The following PIP4K2B variants were observed in gnomAD, a reference collection of about 807,000 sequenced individuals.
The protein encoded by PIP4K2B is phosphatidylinositol 5-phosphate 4-kinase type-2 beta.
PIP4K2B carries 3 observed loss-of-function variants against 42.0 expected under a neutral mutation model. That is an observed-to-expected ratio of 0.07 (90% confidence interval 0.03 to 0.18). The LOEUF is 0.18. Among genes scored for constraint, PIP4K2B ranks in the 10% least tolerant of loss-of-function variants. The probability of loss-of-function intolerance (pLI) is 1.00; values close to 1 mark genes in which losing one functional copy is unlikely to be tolerated. For missense variants in PIP4K2B, 332 were observed against 562.3 expected (o/e 0.59, Z 4.14); for synonymous variants, 204 against 210.1 (o/e 0.97, Z 0.25).
chr17:38,788,907 C>T (rs568720340), intron 1 of PIP4K2B, among the ~76,000 whole-genome samples: 5 of 150,922 alleles, frequency 3.3e-5, no homozygotes, highest in African/African-American at 4.9e-5. Flanking sequence ...GGGCCGAGAT[C>T]GCGCCACTGC....
At chr17:38,784,676 T>C (rs2143422787) in intron 2 of PIP4K2B, among the ~76,000 whole-genome samples, 1 of 152,198 alleles carries the variant, frequency 6.6e-6, no homozygotes, top group East Asian at 1.9e-4. Context: ...CTCCAGGTGA[T>C]TCTGAGCATG....
intron 5 of PIP4K2B, 75 bp from the exon 6 acceptor site, chr17:38,778,447 G>T: frequency 7.4e-7 from 1 of 1,351,966 alleles, no homozygotes; most frequent in Non-Finnish European, 1.1e-6. Flanking sequence ...GGGAGAGCCA[G>T]CAGGTGAACT....
intron 4 of PIP4K2B, 123 bp from the exon 5 acceptor site, chr17:38,779,652 TC>T: frequency 1.3e-6 from 1 of 789,108 alleles, no homozygotes; most frequent in Non-Finnish European, 2.0e-6. Flanking sequence ...CCAGTAGTTC[TC>T]CAGCTGGGTT....
chr17:38,767,638 A>AC lies in PIP4K2B; in HGVS notation c.*2052dup, dbSNP rs1908774197. The AC allele has an allele frequency of 6.6e-6, 1 of 152,178 alleles. No individual in the cohort carries two copies. Among genetic ancestry groups the AC allele is most frequent in the Non-Finnish European group, 1.5e-5 (1 of 68,030 alleles). The allele number at this position is 152,178 out of a possible 1,614,324, so 9.4% of individuals were successfully genotyped here. Reference sequence around the variant, plus strand: ...CACATTATGGCAACATGATCAGCAGACCAAATGCAGAGAAGCCGGTAGGAA... The same window carrying AC: ...CACATTATGGCAACATGATCAGCAGACCCAAATGCAGAGAAGCCGGTAGGAA... On this transcript the variant is annotated 3_prime_UTR_variant, in exon 10 of 10. Coordinates refer to ENST00000619039, the MANE Select transcript of PIP4K2B (RefSeq NM_003559.5).
At chr17:38,798,794 G>C (rs1414580178) in intron 1 of PIP4K2B, among the ~76,000 whole-genome samples, 1 of 152,182 alleles carries the variant, frequency 6.6e-6, no homozygotes, top group African/African-American at 2.4e-5. Context: ...GAGGATGGAA[G>C]AATTTGAGCA....
intron 1 of PIP4K2B, among the ~76,000 whole-genome samples, chr17:38,795,099 C>CAAAAAAAAAAAAAAAAAAAAAA (rs61707682): frequency 2.4e-5 from 1 of 41,498 alleles, no homozygotes; most frequent in Non-Finnish European, 4.4e-5. Context: ...AACTCCATCT[C>CAAAAAAAAAAAAAAAAAAAAAA]AAAAAAAAAA....
Position 38,771,270 on chromosome 17 carries a change from G to A in PIP4K2B, c.810C>T (p.Phe270=), listed in dbSNP as rs2230466. ...FLEKLKRDVE[F]LAQLKIMDYS... ...AGTCCATGATCTTCAGCTGTGCCAAGAACTAGGAAGGGCAAGGATGGAAAG... is the reference window on the plus strand; with the variant it reads ...AGTCCATGATCTTCAGCTGTGCCAAAAACTAGGAAGGGCAAGGATGGAAAG... Residue 270 remains phenylalanine (F), a splice_region_variant and synonymous_variant, in exon 8 of 10, where the codon TTC becomes TTT. Transcript: ENST00000619039. 1.9e-4 allele frequency: 304 copies of A among 1,614,044 alleles called. 3 individuals are homozygous for A. The East Asian group carries it at 4.7e-3, about 25-fold the overall frequency.
chr17:38,770,728 C>G (rs528376372), intron 8 of PIP4K2B, among the ~76,000 whole-genome samples, 189 bp from the exon 9 acceptor site: 1 of 152,218 alleles, frequency 6.6e-6, no homozygotes, highest in African/African-American at 2.4e-5. Context: ...CACAGTCACT[C>G]TGTGGGGCTG....
At chr17:38,797,287 A>G (rs991419304) in intron 1 of PIP4K2B, among the ~76,000 whole-genome samples, 4 of 152,206 alleles carry the variant, frequency 2.6e-5, no homozygotes, top group African/African-American at 9.6e-5. Context: ...TCATAACCAC[A>G]TATGGACAGA....
chr17:38,771,722 G>A (rs1167582804), intron 7 of PIP4K2B, among the ~76,000 whole-genome samples: 1 of 152,132 alleles, frequency 6.6e-6, no homozygotes. Flanking sequence ...GCCCATGACG[G>A]TTTGGGATCA....
intron 7 of PIP4K2B, among the ~76,000 whole-genome samples, chr17:38,777,340 C>T (rs768593837): frequency 3.9e-5 from 6 of 152,176 alleles, no homozygotes; most frequent in Non-Finnish European, 8.8e-5. Context: ...GTTGGGGTTA[C>T]AGGACCTTAA....
At chr17:38,776,167 T>G in intron 7 of PIP4K2B, 1 of 355,536 alleles carries the variant, frequency 2.8e-6, no homozygotes, top group Non-Finnish European at 5.5e-6. Context: ...ACTGGGTTTC[T>G]CCATGTTGGT....
intron 7 of PIP4K2B, among the ~76,000 whole-genome samples, chr17:38,774,508 C>T (rs1264526742): frequency 1.3e-5 from 2 of 152,170 alleles, no homozygotes; most frequent in South Asian, 2.1e-4. Flanking sequence ...GTGGCTCACA[C>T]CTGTAATCCC....
chr17:38,774,146 T>C (rs1909188139), intron 7 of PIP4K2B, among the ~76,000 whole-genome samples: 1 of 152,230 alleles, frequency 6.6e-6, no homozygotes, highest in Non-Finnish European at 1.5e-5. Flanking sequence ...GCTAATTGTA[T>C]ATGCCAGCTG....
intron 1 of PIP4K2B, among the ~76,000 whole-genome samples, chr17:38,789,121 A>G (rs907602922): frequency 6.6e-6 from 1 of 152,140 alleles, no homozygotes; most frequent in African/African-American, 2.4e-5. Flanking sequence ...TCTTGTCTCA[A>G]AAAAGAAAAT....
intron 4 of PIP4K2B, 65 bp downstream of exon 4, chr17:38,780,387 C>A: frequency 6.8e-7 from 1 of 1,460,908 alleles, no homozygotes; most frequent in Admixed American, 1.9e-5. Context: ...TAAGAAGCTC[C>A]CCCAGGGCTC....
intron 7 of PIP4K2B, among the ~76,000 whole-genome samples, chr17:38,773,990 G>A (rs1234265420): frequency 6.6e-6 from 1 of 152,204 alleles, no homozygotes; most frequent in Admixed American, 6.5e-5. Flanking sequence ...GACAAATAAT[G>A]TCAGATGATG....
chr17:38,770,678 G>A, intron 8 of PIP4K2B, 139 bp from the exon 9 acceptor site: 1 of 665,134 alleles, frequency 1.5e-6, no homozygotes, highest in Non-Finnish European at 2.7e-6. Context: ...GACCAGTGGA[G>A]TCCTTTCCAG....
chr17:38,793,617 T>C (rs976423018), intron 1 of PIP4K2B, among the ~76,000 whole-genome samples: 2 of 152,142 alleles, frequency 1.3e-5, no homozygotes, highest in East Asian at 3.9e-4. Context: ...ACGCCTGTAA[T>C]CCTAGCACTT....
Sources: gnomAD v4.1 joint callset for allele counts (sites outside exome capture counted in the v4.1 genomes callset) on GRCh38, gnomAD v4.1.1 for gene constraint, MANE v1.5 for transcripts, NCBI Gene and HGNC (gene_info 2026-07-23, HGNC 2026-07-21) for gene names.